TERT: variants seen among roughly 807,000 people sequenced by gnomAD.
TERT encodes telomerase catalytic subunit.
A neutral mutation model predicts 104.0 loss-of-function variants in TERT; 42 were observed. The ratio of observed to expected loss-of-function variants is 0.40; its 90% CI spans 0.32 to 0.52. TERT has a LOEUF of 0.52. Ranked by LOEUF, TERT falls within the 20% of genes least tolerant of loss-of-function variation. TERT has a pLI of 0.43. For synonymous variants in TERT, 781 were observed against 725.6 expected (o/e 1.08, Z -1.23); for missense variants, 1,101 against 1,610.3 (o/e 0.68, Z 5.41).
rs1483723314 is a variant in TERT, at chr5:1,269,622, A to G, written c.2469-989T>C. Among the ~76,000 whole-genome samples the G allele has an allele frequency of 6.6e-6, 1 of 151,964 alleles. No homozygotes were observed. Among genetic ancestry groups the G allele is most frequent in the Non-Finnish European group, 1.5e-5 (1 of 67,968 alleles). On this transcript the variant is annotated intron_variant, in intron 8 of 15. Coordinates refer to ENST00000310581, the MANE Select transcript of TERT (RefSeq NM_198253.3). The surrounding 1 kb of genome is among the most constrained non-coding windows in gnomAD (Gnocchi z 9.0). Reference sequence around the variant, plus strand: ...AGTGACGTTCCGTCTCAAAAAAAAAAAAAGAAAGAAAAGAAAAGAGGCTTT... The same window carrying G: ...AGTGACGTTCCGTCTCAAAAAAAAAGAAAGAAAGAAAAGAAAAGAGGCTTT...
In TERT at chr5:1,288,628, G is replaced by A. The variant is rs1322545045; in HGVS notation, c.1573+4685C>T. Among the ~76,000 whole-genome samples the A allele has an allele frequency of 2.0e-5, 3 of 152,102 alleles. No homozygotes were observed. Among genetic ancestry groups the A allele is most frequent in the Admixed American group, 1.3e-4 (2 of 15,272 alleles). On this transcript the variant is annotated intron_variant, in intron 2 of 15. Coordinates refer to ENST00000310581, the MANE Select transcript of TERT (RefSeq NM_198253.3). The surrounding 1 kb of genome is among the most constrained non-coding windows in gnomAD (Gnocchi z 5.3). ...GGGGGCCAAGCAGAGGGGCAGCTTG[G>A]GAGAAAACAGGACAAGTGAGGGGGC... is the stretch of plus-strand genomic sequence containing the variant.
At chr5:1,291,604 G>GGGACACCCGGGGACCACGCC (rs1561212192) in intron 2 of TERT, among the ~76,000 whole-genome samples, 1 of 113,436 alleles carries the variant, frequency 8.8e-6, no homozygotes, top group African/African-American at 3.3e-5. Flanking sequence ...CCCGGGGACA[G>GGGACACCCGGGGACCACGCC]TGCCTCACTC....
intron 6 of TERT, among the ~76,000 whole-genome samples, chr5:1,273,454 T>G (rs1234013169): frequency 1.7e-5 from 1 of 57,736 alleles, no homozygotes; most frequent in Non-Finnish European, 3.1e-5. Context: ...CAGACCCCTG[T>G]GACCGATCGC....
chr5:1,288,498 G>C lies in TERT; in HGVS notation c.1573+4815C>G, dbSNP rs756937617. ...GACAGACAGAGACACTCCAACCTGT[G>C]GCTGGACGTCAATCCATGTGAGGGG... On this transcript the variant is annotated intron_variant, in intron 2 of 15. Coordinates refer to ENST00000310581, the MANE Select transcript of TERT (RefSeq NM_198253.3). This position sits in a 1 kb window ranked among gnomAD's most constrained non-coding sequence, Gnocchi z 5.3. 1.3e-5 allele frequency among the ~76,000 whole-genome samples: 2 copies of C among 152,172 alleles called. No individual in the cohort carries two copies. Among genetic ancestry groups the C allele is most frequent in the Non-Finnish European group, 2.9e-5 (2 of 68,028 alleles).
At position 1,270,864 on chromosome 5, in the gene TERT, G is replaced by GC. The variant is rs920937859; in HGVS notation, c.2468+254dup. 1.3e-5 allele frequency among the ~76,000 whole-genome samples: 2 copies of GC among 152,240 alleles called. No individual in the cohort carries two copies. Among genetic ancestry groups the GC allele is most frequent in the Admixed American group, 1.3e-4 (2 of 15,292 alleles). On this transcript the variant is annotated intron_variant, in intron 8 of 15. Transcript: ENST00000310581. The surrounding 1 kb of genome is among the most constrained non-coding windows in gnomAD (Gnocchi z 8.3). ...CCCGCCCCTCGTCCTCCACGCAGGA[G>GC]CAACTCCACACCCCGCTTGCCATTT... is the stretch of plus-strand genomic sequence containing the variant.
chr5:1,280,004 C>A (rs1749907576), intron 4 of TERT, among the ~76,000 whole-genome samples, 154 bp downstream of exon 4: 1 of 152,236 alleles, frequency 6.6e-6, no homozygotes, highest in East Asian at 1.9e-4. Context: ...GGCACCTCGG[C>A]CACCTCACTG....
chr5:1,268,712 A>G lies in TERT; in HGVS notation c.2469-79T>C. ...TACACTCAAACCGAGCCACACACAGACACAGAACCTCATACACACAAACGA... is the reference window on the plus strand; with the variant it reads ...TACACTCAAACCGAGCCACACACAGGCACAGAACCTCATACACACAAACGA... On this transcript the variant is annotated intron_variant, in intron 8 of 15. Transcript: ENST00000310581. The surrounding 1 kb of genome is among the most constrained non-coding windows in gnomAD (Gnocchi z 5.5). 1.1e-6 allele frequency: 1 copy of G among 938,568 alleles called. No homozygotes were observed. Among genetic ancestry groups the G allele is most frequent in the South Asian group, 1.4e-5 (1 of 74,038 alleles). The allele number at this position is 938,568 out of a possible 1,614,324, so 58.1% of individuals were successfully genotyped here.
In TERT at chr5:1,268,343, G is replaced by A. The variant is rs542946344; in HGVS notation, c.2582+177C>T. 1.4e-4 allele frequency among the ~76,000 whole-genome samples: 22 copies of A among 152,364 alleles called. No homozygotes were observed. The highest frequency in any genetic ancestry group is 4.8e-4 in the African/African-American group (20 of 41,604). ...GGACAGAGCCTGCGTGGAGCCCGCAGTCCTCAGGCTGTGCAACCCCTCCCG... is the reference window on the plus strand; with the variant it reads ...GGACAGAGCCTGCGTGGAGCCCGCAATCCTCAGGCTGTGCAACCCCTCCCG... On this transcript the variant is annotated intron_variant, in intron 9 of 15. Transcript: ENST00000310581. This position sits in a 1 kb window ranked among gnomAD's most constrained non-coding sequence, Gnocchi z 5.5.
chr5:1,259,982 C>T (rs1748106677), intron 12 of TERT, among the ~76,000 whole-genome samples: 1 of 152,072 alleles, frequency 6.6e-6, no homozygotes, highest in Non-Finnish European at 1.5e-5. Context: ...CACAGAAGCC[C>T]ACAGGAGAGG....
chr5:1,260,714 G>A, intron 11 of TERT, 114 bp from the exon 12 acceptor site: 1 of 1,486,210 alleles, frequency 6.7e-7, no homozygotes, highest in Non-Finnish European at 9.2e-7. Context: ...GTCCTGCCTG[G>A]GGCATGCGCT....
At position 1,263,700 on chromosome 5, in the gene TERT, C is replaced by A. The variant is rs1258792786; in HGVS notation, c.2843+704G>T. 6.6e-6 allele frequency among the ~76,000 whole-genome samples: 1 copy of A among 152,228 alleles called. No individual in the cohort carries two copies. Among genetic ancestry groups the A allele is most frequent in the Non-Finnish European group, 1.5e-5 (1 of 68,050 alleles). On this transcript the variant is annotated intron_variant, in intron 11 of 15. Transcript: ENST00000310581. This position sits in a 1 kb window ranked among gnomAD's most constrained non-coding sequence, Gnocchi z 5.3. ...GGATTATAGGTGTGAGCCACCTTGC[C>A]CTGCCTGGAATGTTGATACTTTTTA...
chr5:1,266,330 T>G (rs1352144818), intron 10 of TERT, 134 bp downstream of exon 10: 2 of 893,474 alleles, frequency 2.2e-6, no homozygotes, highest in Non-Finnish European at 3.6e-6. Flanking sequence ...CCTCTGCTCT[T>G]GCGGATCCAG....
At chr5:1,289,465 G>A (rs111581045) in intron 2 of TERT, among the ~76,000 whole-genome samples, 6 of 45,334 alleles carry the variant, frequency 1.3e-4, no homozygotes, top group African/African-American at 4.1e-4. Context: ...CGGGGACGGC[G>A]CCTCACTCAC....
chr5:1,256,123 A>C lies in TERT; in HGVS notation c.3033-712T>G, dbSNP rs536634418. ...CCTCCTGGGCTCAAGTGATCCTCCCACTTCAGCCTCCCAAGTATTGGAACT... is the reference window on the plus strand; with the variant it reads ...CCTCCTGGGCTCAAGTGATCCTCCCCCTTCAGCCTCCCAAGTATTGGAACT... On this transcript the variant is annotated intron_variant, in intron 13 of 15. Coordinates refer to ENST00000310581, the MANE Select transcript of TERT (RefSeq NM_198253.3). The surrounding 1 kb of genome is among the most constrained non-coding windows in gnomAD (Gnocchi z 7.0). 6.6e-6 allele frequency among the ~76,000 whole-genome samples: 1 copy of C among 151,912 alleles called. No individual in the cohort carries two copies. The highest frequency in any genetic ancestry group is 1.9e-4 in the East Asian group (1 of 5,160).
In TERT at chr5:1,260,538, T is replaced by C. The variant is rs1285206716; in HGVS notation, c.2906A>G (p.Asn969Ser). The C allele has an allele frequency of 6.2e-7, 1 of 1,614,194 alleles. No individual in the cohort carries two copies. Among genetic ancestry groups the C allele is most frequent in the South Asian group, 1.1e-5 (1 of 91,082 alleles). ...TFNRGFKAGR[N>S]MRRKLFGVLR... ...GACCCCAAAGAGTTTGCGACGCATG[T>C]TCCTCCCAGCCTTGAAGCCGCGGTT... Residue 969 changes from asparagine (N) to serine (S), a missense_variant, in exon 12 of 16, where the codon AAC becomes AGC. Around this residue, in one of 5 missense-constraint regions of TERT, gnomAD observed 463 missense variants for 797.5 expected, o/e 0.58. Coordinates refer to ENST00000310581, the MANE Select transcript of TERT (RefSeq NM_198253.3).
At chr5:1,273,134 A>AC (rs1459726955) in intron 6 of TERT, among the ~76,000 whole-genome samples, 14 of 11,140 alleles carry the variant, frequency 1.3e-3, no homozygotes, top group East Asian at 0.012. Flanking sequence ...ATCAGACCCC[A>AC]CGACCGCCAT....
intron 6 of TERT, among the ~76,000 whole-genome samples, chr5:1,275,375 T>TC (rs1749481363): frequency 7.8e-6 from 1 of 128,030 alleles, no homozygotes; most frequent in Non-Finnish European, 1.6e-5. Context: ...GACTCTGTTA[T>TC]CAAAAAAAAA....
At chr5:1,283,309 C>G (rs556110873) in intron 2 of TERT, among the ~76,000 whole-genome samples, 32 of 132,382 alleles carry the variant, frequency 2.4e-4, no homozygotes, top group African/African-American at 8.9e-4. Context: ...CCTGCACCAT[C>G]CGGATACAGC....
intron 6 of TERT, among the ~76,000 whole-genome samples, chr5:1,272,544 T>A (rs1419368580): frequency 8.6e-6 from 1 of 115,882 alleles, no homozygotes; most frequent in East Asian, 2.2e-4. Flanking sequence ...AGTCACCACA[T>A]CAGACCCCAC....
Sources: allele counts gnomAD v4.1 joint callset (sites outside exome capture counted in the v4.1 genomes callset), GRCh38; gene constraint gnomAD v4.1.1; regional missense constraint gnomAD v4.1.1; non-coding constraint Gnocchi (gnomAD v3.1); transcripts MANE v1.5; gene names NCBI Gene and HGNC (gene_info 2026-07-23, HGNC 2026-07-21).